The following PVT1 variants were observed in gnomAD, a reference collection of about 807,000 sequenced individuals.
PVT1 encodes Pvt1 oncogene.
chr8:127,943,612 C>T (rs1816380293), intron 3 of PVT1, among the ~76,000 whole-genome samples: 1 of 152,182 alleles, frequency 6.6e-6, no homozygotes, highest in African/African-American at 2.4e-5. Context: ...GCAACCCCAG[C>T]TTCCAGTTGG....
At chr8:128,032,237 C>A (rs964570286) in intron 4 of PVT1, among the ~76,000 whole-genome samples, 3 of 152,158 alleles carry the variant, frequency 2.0e-5, no homozygotes, top group African/African-American at 7.2e-5. Flanking sequence ...GGTCGCAGCC[C>A]ACACTGCTGT....
chr8:127,863,078 T>TTTTTTTTA (rs1554592594), intron 2 of PVT1, among the ~76,000 whole-genome samples: 4 of 142,058 alleles, frequency 2.8e-5, no homozygotes, highest in Non-Finnish European at 6.1e-5. Flanking sequence ...CAGTTGCTAG[T>TTTTTTTTA]TTTATTTATT....
chr8:127,897,431 G>A (rs940380607), intron 3 of PVT1, among the ~76,000 whole-genome samples: 79 of 151,510 alleles, frequency 5.2e-4, no homozygotes, highest in African/African-American at 1.9e-3. Context: ...TGAGAAGTTT[G>A]GAAGATGGCC....
intron 6 of PVT1, among the ~76,000 whole-genome samples, chr8:128,097,995 C>T (rs1814450038): frequency 6.6e-6 from 1 of 152,178 alleles, no homozygotes; most frequent in African/African-American, 2.4e-5. Flanking sequence ...ACCTGGAACT[C>T]TGCTTGATCC....
intron 3 of PVT1, among the ~76,000 whole-genome samples, chr8:127,950,819 G>A (rs1816497467): frequency 6.6e-6 from 1 of 152,214 alleles, no homozygotes; most frequent in Admixed American, 6.5e-5. Flanking sequence ...AGTCTGCTCA[G>A]CACTTTTACA....
At chr8:127,978,491 A>T (rs1162968547) in intron 3 of PVT1, among the ~76,000 whole-genome samples, 1 of 148,592 alleles carries the variant, frequency 6.7e-6, no homozygotes, top group East Asian at 2.0e-4. Context: ...ATTTATTATT[A>T]TTATTATTAA....
At chr8:127,859,548 T>G (rs1815196832) in intron 2 of PVT1, among the ~76,000 whole-genome samples, 1 of 152,106 alleles carries the variant, frequency 6.6e-6, no homozygotes, top group Non-Finnish European at 1.5e-5. Context: ...GCTATGAGGT[T>G]AGGACAGAAA....
intron 3 of PVT1, among the ~76,000 whole-genome samples, chr8:127,956,723 T>A (rs534154839): frequency 1.6e-3 from 251 of 152,366 alleles, no homozygotes; most frequent in Middle Eastern, 3.4e-3. Flanking sequence ...GACCTCGTGA[T>A]CCGCCTACCT....
intron 3 of PVT1, among the ~76,000 whole-genome samples, chr8:127,953,221 C>G (rs1025916377): frequency 6.6e-6 from 1 of 152,182 alleles, no homozygotes; most frequent in Admixed American, 6.5e-5. Context: ...CAATCTCTGT[C>G]CTTTTGAATT....
At chr8:127,905,181 G>C (rs746295795) in intron 3 of PVT1, among the ~76,000 whole-genome samples, 3 of 152,218 alleles carry the variant, frequency 2.0e-5, no homozygotes, top group African/African-American at 4.8e-5. Context: ...ACCAGCTTCT[G>C]TCTGTGACTT....
At chr8:127,978,482 T>TTTA (rs774729462) in intron 3 of PVT1, among the ~76,000 whole-genome samples, 9 of 150,926 alleles carry the variant, frequency 6.0e-5, no homozygotes, top group African/African-American at 1.9e-4. Flanking sequence ...ATTATTATTA[T>TTTA]TTATTATTAT....
intron 2 of PVT1, among the ~76,000 whole-genome samples, chr8:127,869,571 G>A (rs970821535): frequency 6.6e-6 from 1 of 152,050 alleles, no homozygotes. Flanking sequence ...AATACCAACT[G>A]TTTCCCATTA....
chr8:128,040,335 G>T (rs2130086010), intron 4 of PVT1, among the ~76,000 whole-genome samples: 1 of 152,318 alleles, frequency 6.6e-6, no homozygotes, highest in South Asian at 2.1e-4. Flanking sequence ...ACCCCACATT[G>T]CCTTTGGACT....
At chr8:127,933,175 A>C (rs148025237) in intron 3 of PVT1, among the ~76,000 whole-genome samples, 222 of 152,300 alleles carry the variant, frequency 1.5e-3, no homozygotes, top group African/African-American at 5.0e-3. Flanking sequence ...TCCCGGGTTC[A>C]AGCGATTCTC....
At chr8:127,936,800 G>A (rs1045385892) in intron 3 of PVT1, among the ~76,000 whole-genome samples, 1 of 152,106 alleles carries the variant, frequency 6.6e-6, no homozygotes, top group South Asian at 2.1e-4. Flanking sequence ...CTCTTCGCTG[G>A]GAACATACCC....
intron 3 of PVT1, among the ~76,000 whole-genome samples, chr8:127,938,295 A>G (rs1023021825): frequency 6.6e-6 from 1 of 152,170 alleles, no homozygotes; most frequent in East Asian, 1.9e-4. Context: ...GCCGTCCCAC[A>G]TGGCTTCAGG....
chr8:127,806,238 G>A (rs1460083347), intron 2 of PVT1, among the ~76,000 whole-genome samples: 4 of 152,064 alleles, frequency 2.6e-5, no homozygotes, highest in Admixed American at 2.6e-4. Context: ...TGAGGCGGGC[G>A]GATCACAAGG....
At chr8:127,902,252 G>A (rs1478499312) in intron 3 of PVT1, among the ~76,000 whole-genome samples, 1 of 152,040 alleles carries the variant, frequency 6.6e-6, no homozygotes, top group Non-Finnish European at 1.5e-5. Flanking sequence ...TGGGATGGTC[G>A]TTCACCCTAC....
At chr8:127,828,788 C>T (rs992777098) in intron 2 of PVT1, among the ~76,000 whole-genome samples, 3 of 152,030 alleles carry the variant, frequency 2.0e-5, no homozygotes, top group Non-Finnish European at 2.9e-5. Flanking sequence ...TGTCTTTGCA[C>T]GGGATGGAAA....
Sources: gnomAD v4.1 joint callset for allele counts (sites outside exome capture counted in the v4.1 genomes callset) on GRCh38, gnomAD v4.1.1 for gene constraint, MANE v1.5 for transcripts, NCBI Gene and HGNC (gene_info 2026-07-23, HGNC 2026-07-21) for gene names.